USP25: variants seen among roughly 807,000 people sequenced by gnomAD.
USP25 encodes ubiquitin carboxyl-terminal hydrolase 25.
USP25 carries 85 observed loss-of-function variants against 158.5 expected under a neutral mutation model. That is an observed-to-expected ratio of 0.54 (90% CI 0.45 to 0.64). The LOEUF is 0.64. USP25 is among the 30% of genes least tolerant of loss of function. The probability of loss-of-function intolerance (pLI) is 0.00; values close to 1 mark genes in which losing one functional copy is unlikely to be tolerated. For synonymous variants in USP25, 464 were observed against 460.4 expected (o/e 1.01, Z -0.10); for missense variants, 1,242 against 1,327.3 (o/e 0.94, Z 1.00).
chr21:15,849,801 G>C lies in USP25; in HGVS notation c.2476G>C (p.Gly826Arg). The C allele has an allele frequency of 6.5e-7, 1 of 1,540,622 alleles. No individual in the cohort carries two copies. Among genetic ancestry groups the C allele is most frequent in the Non-Finnish European group, 8.8e-7 (1 of 1,142,662 alleles). ...GATCATGATGACACCGAACATGCAA[G>C]GTATTATCATGGCGATAGGTAAATC... ...DEIMMTPNMQ[G>R]IIMAIGKSRS... Residue 826 changes from glycine to arginine, a missense_variant, in exon 20 of 26, where the codon GGT becomes CGT. Gly to Arg is a moderately radical substitution (Grantham distance 125). Transcript: ENST00000400183.
chr21:15,737,777 G>T (rs1256724792), intron 1 of USP25, among the ~76,000 whole-genome samples: 1 of 151,240 alleles, frequency 6.6e-6, no homozygotes, highest in Non-Finnish European at 1.5e-5. Context: ...ATCATATACA[G>T]ATTGAATCTC....
chr21:15,795,515 G>A (rs1351406241), intron 5 of USP25, among the ~76,000 whole-genome samples: 1 of 151,538 alleles, frequency 6.6e-6, no homozygotes, highest in Non-Finnish European at 1.5e-5. Flanking sequence ...AATTTGGGGT[G>A]AATTCTGATT....
intron 20 of USP25, among the ~76,000 whole-genome samples, chr21:15,864,051 T>TTTA (rs1413198251): frequency 6.8e-6 from 1 of 147,086 alleles, no homozygotes; most frequent in African/African-American, 2.5e-5. Flanking sequence ...TTTTTTTTTT[T>TTTA]TTAAAAGAAG....
At chr21:15,764,902 T>C (rs1169329092) in intron 2 of USP25, among the ~76,000 whole-genome samples, 1 of 152,120 alleles carries the variant, frequency 6.6e-6, no homozygotes, top group East Asian at 1.9e-4. Context: ...TTGGGGACTT[T>C]ATTCTGCCAG....
chr21:15,804,142 A>T (rs1294360777), intron 6 of USP25, among the ~76,000 whole-genome samples: 1 of 151,972 alleles, frequency 6.6e-6, no homozygotes, highest in Non-Finnish European at 1.5e-5. Context: ...CTTGTTTTAA[A>T]ATACATTGTT....
chr21:15,818,527 T>C (rs1012565972), intron 9 of USP25, among the ~76,000 whole-genome samples, 171 bp from the exon 10 acceptor site: 1 of 152,146 alleles, frequency 6.6e-6, no homozygotes, highest in African/African-American at 2.4e-5. Flanking sequence ...TGGGTATAAA[T>C]GTACATTTGC....
chr21:15,820,238 C>T (rs2037163841), intron 10 of USP25, among the ~76,000 whole-genome samples: 1 of 151,952 alleles, frequency 6.6e-6, no homozygotes, highest in African/African-American at 2.4e-5. Flanking sequence ...AGGGATGGTA[C>T]TTGTTTTTAT....
At chr21:15,846,142 ATATATATATATATATATTT>A (rs1568882457) in intron 18 of USP25, among the ~76,000 whole-genome samples, 1 of 56,042 alleles carries the variant, frequency 1.8e-5, no homozygotes, top group African/African-American at 1.0e-4. Flanking sequence ...ATATATATAT[ATATATATATATATATATTT>A]TTTTTTTTTT....
chr21:15,833,652 CAGT>C, intron 17 of USP25, 104 bp downstream of exon 17: 1 of 1,027,594 alleles, frequency 9.7e-7, no homozygotes, highest in Non-Finnish European at 1.4e-6. Flanking sequence ...GTGAGGAAAT[CAGT>C]AGAAATCATT....
intron 14 of USP25, among the ~76,000 whole-genome samples, chr21:15,829,806 G>A (rs191476747): frequency 1.3e-5 from 2 of 152,098 alleles, no homozygotes; most frequent in Admixed American, 6.5e-5. Flanking sequence ...TGTTGGGCAG[G>A]GAGGATCTTA....
chr21:15,871,990 CA>C (rs35733221), intron 23 of USP25, among the ~76,000 whole-genome samples: 31 of 65,208 alleles, frequency 4.8e-4, no homozygotes, highest in Admixed American at 5.6e-4. Context: ...GACACTGTCT[CA>C]AAAAAAAAAA....
chr21:15,831,683 G>T (rs2037812152), intron 16 of USP25, 54 bp downstream of exon 16: 2 of 1,430,194 alleles, frequency 1.4e-6, no homozygotes, highest in Non-Finnish European at 2.0e-6. Context: ...AGTGGCTCTG[G>T]TATGTGGTGT....
chr21:15,799,542 A>C (rs1428664458), intron 5 of USP25: 2 of 359,438 alleles, frequency 5.6e-6, no homozygotes, highest in Non-Finnish European at 1.0e-5. Context: ...AAGTTGTCCA[A>C]ATATAATCTT....
chr21:15,734,643 CTCTT>C (rs145022541), intron 1 of USP25, among the ~76,000 whole-genome samples: 3,488 of 152,040 alleles, frequency 0.023, 133 homozygotes, highest in African/African-American at 0.08. Context: ...ATATTCTGAC[CTCTT>C]TCTTGTCATT....
rs1024402025 is a variant in USP25 at position 15,879,191 on chromosome 21, A to G, written c.*716A>G. ...TTTTTTTAAGTCAAACTACACTGAA[A>G]CTTTTATCCTTTTCTTAGATTAATC... On this transcript the variant is annotated 3_prime_UTR_variant, in exon 26 of 26. Coordinates refer to ENST00000400183, the MANE Select transcript of USP25 (RefSeq NM_001283041.3). 8 of 152,496 alleles carry G rather than the reference A, an allele frequency of 5.2e-5. No homozygotes were observed. Among genetic ancestry groups the G allele is most frequent in the African/African-American group, 1.9e-4 (8 of 41,406 alleles). 9.4% of individuals were successfully genotyped at this position (152,496 alleles called of 1,614,324 possible). A position where few individuals can be genotyped will look rare whatever the true frequency, so the allele number is the denominator to read the frequency against.
chr21:15,803,516 CTG>C (rs992411440), intron 6 of USP25, among the ~76,000 whole-genome samples: 4 of 151,758 alleles, frequency 2.6e-5, no homozygotes, highest in South Asian at 2.1e-4. Flanking sequence ...ATTATCATCT[CTG>C]TGGATGAAGA....
chr21:15,784,936 T>G (rs1401564732), intron 4 of USP25, among the ~76,000 whole-genome samples: 1 of 149,540 alleles, frequency 6.7e-6, no homozygotes, highest in Non-Finnish European at 1.5e-5. Flanking sequence ...TGGATTAAAT[T>G]CCCCAATTAA....
intron 18 of USP25, among the ~76,000 whole-genome samples, chr21:15,847,013 G>A (rs1011480664): frequency 1.3e-5 from 2 of 152,106 alleles, no homozygotes; most frequent in African/African-American, 4.8e-5. Context: ...ATTTTCAGCA[G>A]GTGTTTGTTG....
chr21:15,814,858 G>A (rs576850762), intron 9 of USP25, among the ~76,000 whole-genome samples: 1 of 152,180 alleles, frequency 6.6e-6, no homozygotes, highest in Non-Finnish European at 1.5e-5. Context: ...AATTCAAGTC[G>A]TGGCTGCAGA....
Sources: gnomAD v4.1 joint callset for allele counts (sites outside exome capture counted in the v4.1 genomes callset) on GRCh38, gnomAD v4.1.1 for gene constraint, MANE v1.5 for transcripts, NCBI Gene and HGNC (gene_info 2026-07-23, HGNC 2026-07-21) for gene names.